The following LRIG1 variants were observed in gnomAD, a reference collection of about 807,000 sequenced individuals.
The protein encoded by LRIG1 is leucine-rich repeats and immunoglobulin-like domains protein 1.
Under a neutral mutation model 99.2 loss-of-function variants are expected in LRIG1, and 48 were observed. That is an observed-to-expected ratio of 0.48 (90% CI 0.38 to 0.62). LRIG1 has a LOEUF of 0.62. Among genes scored for constraint, LRIG1 ranks in the 20% least tolerant of loss-of-function variants. The pLI, the probability that LRIG1 is intolerant of heterozygous loss-of-function variation, is 0.00. For synonymous variants in LRIG1, 772 were observed against 596.1 expected (o/e 1.29, Z -4.30); for missense variants, 1,646 against 1,434.4 (o/e 1.15, Z -2.38).
intron 1 of LRIG1, among the ~76,000 whole-genome samples, chr3:66,498,564 T>TAAAA (rs1050819942): frequency 1.6e-5 from 2 of 124,620 alleles, no homozygotes; most frequent in Non-Finnish European, 1.8e-5. Flanking sequence ...TGATTCTATT[T>TAAAA]AAAAAAAAAA....
At chr3:66,477,255 T>G (rs1434830755) in intron 1 of LRIG1, among the ~76,000 whole-genome samples, 1 of 152,224 alleles carries the variant, frequency 6.6e-6, no homozygotes, top group African/African-American at 2.4e-5. Flanking sequence ...TGATGGCTGC[T>G]GTTGCCATTA....
intron 12 of LRIG1, chr3:66,387,324 G>A (rs1331080848): frequency 1.3e-5 from 2 of 152,048 alleles, no homozygotes; most frequent in African/African-American, 4.8e-5. Flanking sequence ...GGAAAGACGT[G>A]AGGGGGTCCT....
At chr3:66,480,375 T>C (rs745397561) in intron 1 of LRIG1, among the ~76,000 whole-genome samples, 6 of 151,946 alleles carry the variant, frequency 3.9e-5, no homozygotes, top group Non-Finnish European at 8.8e-5. Context: ...TCTAGATTAG[T>C]AGTTACGCAA....
At chr3:66,472,859 T>C (rs1700635691) in intron 1 of LRIG1, among the ~76,000 whole-genome samples, 2 of 152,212 alleles carry the variant, frequency 1.3e-5, no homozygotes, top group South Asian at 2.1e-4. Context: ...GTCTAGGACT[T>C]TCCTAGGACC....
At chr3:66,425,978 A>G (rs562707438) in intron 3 of LRIG1, among the ~76,000 whole-genome samples, 2 of 152,226 alleles carry the variant, frequency 1.3e-5, no homozygotes, top group African/African-American at 4.8e-5. Flanking sequence ...ACTTTTTCTC[A>G]TAAGTGATTG....
chr3:66,400,625 C>T (rs1156979399), intron 9 of LRIG1, among the ~76,000 whole-genome samples: 3 of 152,210 alleles, frequency 2.0e-5, no homozygotes, highest in African/African-American at 7.2e-5. Context: ...AGGATCTCAC[C>T]TAGCATCGGG....
In LRIG1 at chr3:66,480,665, T is replaced by G. The variant is rs186687780; in HGVS notation, c.219-18156A>C. ...GTGTGCTTCCCAGATTGTCCTATAC[T>G]CGCTCCCAAGCTCTGTCCATGAGTC... On this transcript the variant is annotated intron_variant, in intron 1 of 18. Coordinates refer to ENST00000273261, the MANE Select transcript of LRIG1 (RefSeq NM_015541.3). 2.6e-5 allele frequency among the ~76,000 whole-genome samples: 4 copies of G among 152,246 alleles called. No individual in the cohort carries two copies. In the East Asian group the frequency reaches 7.7e-4, roughly 29 times the overall value.
At chr3:66,407,547 A>C in intron 7 of LRIG1, 56 bp from the exon 8 acceptor site, 1 of 1,592,988 alleles carries the variant, frequency 6.3e-7, no homozygotes. Flanking sequence ...CCCCAACCCC[A>C]CCCCACCGGA....
At chr3:66,404,004 G>A (rs1027444503) in intron 9 of LRIG1, among the ~76,000 whole-genome samples, 9 of 152,312 alleles carry the variant, frequency 5.9e-5, no homozygotes, top group Admixed American at 4.6e-4. Flanking sequence ...AAGGGGTCAC[G>A]TATGGGTTAA....
intron 2 of LRIG1, among the ~76,000 whole-genome samples, chr3:66,453,140 C>T (rs983088661): frequency 2.0e-5 from 3 of 152,192 alleles, no homozygotes; most frequent in Non-Finnish European, 2.9e-5. Context: ...TACCCATCAA[C>T]GTACCTATTA....
rs1701335252 is a variant in LRIG1 at position 66,500,522 on chromosome 3, A to G, written c.-115T>C. 2 of 494,494 alleles carry G rather than the reference A, an allele frequency of 4.0e-6. No homozygotes were observed. The highest frequency in any genetic ancestry group is 6.4e-6 in the Non-Finnish European group (2 of 312,160). 30.6% of individuals were successfully genotyped at this position (494,494 alleles called of 1,614,324 possible). ...TCGGCTCTAGACTCCGCACCGGGGC[A>G]TGGCCCCCGCCCCAAGTTCTCTCTG... On this transcript the variant is annotated 5_prime_UTR_variant, in exon 1 of 19. It removes an upstream start codon present in the reference 5' UTR. Transcript: ENST00000273261.
intron 10 of LRIG1, 67 bp downstream of exon 10, chr3:66,398,903 T>C: frequency 7.6e-7 from 1 of 1,324,460 alleles, no homozygotes; most frequent in Non-Finnish European, 1.1e-6. Flanking sequence ...ATTAAATTGC[T>C]AGCAGAACTC....
chr3:66,486,150 T>C (rs938069230), intron 1 of LRIG1, among the ~76,000 whole-genome samples: 3 of 152,290 alleles, frequency 2.0e-5, no homozygotes, highest in South Asian at 2.1e-4. Context: ...TGCAGAAAGG[T>C]ACACTATTAT....
chr3:66,405,124 G>C, intron 9 of LRIG1, 74 bp downstream of exon 9: 1 of 1,342,678 alleles, frequency 7.4e-7, no homozygotes, highest in Non-Finnish European at 1.1e-6. Flanking sequence ...GGCGCGGGGG[G>C]CGCCACAGAA....
intron 1 of LRIG1, among the ~76,000 whole-genome samples, chr3:66,471,148 C>T (rs1700586307): frequency 6.6e-6 from 1 of 152,172 alleles, no homozygotes; most frequent in Admixed American, 6.5e-5. Context: ...ACCATGGCCA[C>T]CCCAGCAGGC....
In LRIG1 at chr3:66,383,324, T is replaced by C. The variant is rs142228643; in HGVS notation, c.2149A>G (p.Thr717Ala). The C allele has an allele frequency of 6.6e-4, 1,053 of 1,601,862 alleles. No homozygotes were observed. The highest frequency in any genetic ancestry group is 1.2e-3 in the Admixed American group (72 of 59,732). Residue 717 changes from threonine (T) to alanine (A), a missense_variant, in exon 15 of 19, where the codon ACG becomes GCG. By Grantham distance (58) the Thr-to-Ala change is moderately conservative. Coordinates refer to ENST00000273261, the MANE Select transcript of LRIG1 (RefSeq NM_015541.3). ...GETVALQCKA[T>A]GNPPPRITWF... ...GTGATGCGGGGCGGAGGGTTCCCCG[T>C]GGCTTTGCATTGGAGGGCCACTGTT...
At position 66,383,010 on chromosome 3, in the gene LRIG1, C is replaced by A; in HGVS notation, c.2463G>T (p.Lys821Asn). ...TGTTGGTGACACTGTACTCTTCACT[C>A]TTCTTCCTGGTCTGGTAGATGATGC... ...WVCIIYQTRK[K>N]SEEYSVTNTD... The change falls in exon 15 of 19, where the codon AAG becomes AAT. Residue 821 changes from lysine to asparagine, a missense_variant. Coordinates refer to ENST00000273261, the MANE Select transcript of LRIG1 (RefSeq NM_015541.3). 6.2e-7 allele frequency: 1 copy of A among 1,613,502 alleles called. No homozygotes were observed. The highest frequency in any genetic ancestry group is 1.1e-5 in the South Asian group (1 of 90,984).
At position 66,386,062 on chromosome 3, in the gene LRIG1, C is replaced by T. The variant is rs753440122; in HGVS notation, c.1708G>A (p.Gly570Arg). 74 of 1,614,036 alleles carry T rather than the reference C, an allele frequency of 4.6e-5. No homozygotes were observed. Among genetic ancestry groups the T allele is most frequent in the African/African-American group, 6.7e-5 (5 of 74,906 alleles). ...TILHLRQVTF[G>R]HEGRYQCVIT... ...ACACATTGGTAGCGGCCCTCGTGCC[C>T]GAAAGTGACCTGACGGAGGTGCAGG... The change falls in exon 13 of 19, where the codon GGG (glycine) becomes AGG (arginine). Residue 570 changes from glycine to arginine, a missense_variant. Transcript: ENST00000273261.
intron 2 of LRIG1, among the ~76,000 whole-genome samples, chr3:66,460,291 A>T (rs144795432): frequency 1.3e-5 from 2 of 152,328 alleles, no homozygotes; most frequent in Middle Eastern, 3.4e-3. Flanking sequence ...ATTTGAATAT[A>T]TTCTAACCAC....
Sources: gnomAD v4.1 joint callset for allele counts (sites outside exome capture counted in the v4.1 genomes callset) on GRCh38, gnomAD v4.1.1 for gene constraint, MANE v1.5 for transcripts, NCBI Gene and HGNC (gene_info 2026-07-23, HGNC 2026-07-21) for gene names.